The following RAB3IP variants were observed in gnomAD, a reference collection of about 807,000 sequenced individuals.
The protein encoded by RAB3IP is rab-3A-interacting protein.
Under a neutral mutation model 59.1 loss-of-function variants are expected in RAB3IP, and 36 were observed. The ratio of observed to expected loss-of-function variants is 0.61; its 90% CI spans 0.47 to 0.80. The LOEUF (loss-of-function observed/expected upper bound fraction) is 0.80, where lower values mean the gene tolerates loss of function less well. Among genes scored for constraint, RAB3IP ranks in the 30% least tolerant of loss-of-function variants. The pLI is 0.00. For missense variants in RAB3IP, 511 were observed against 536.0 expected, an observed-to-expected ratio of 0.95 and a Z score of 0.46; for synonymous variants, 207 against 191.2, an observed-to-expected ratio of 1.08 and a Z score of -0.68.
At chr12:69,787,037 C>T (rs183211577) in intron 4 of RAB3IP, among the ~76,000 whole-genome samples, 18 of 152,146 alleles carry the variant, frequency 1.2e-4, no homozygotes, top group Admixed American at 2.6e-4. Context: ...ATCTGTTTAC[C>T]ATTGTCTTAT....
chr12:69,810,071 T>A (rs879441538), intron 8 of RAB3IP, among the ~76,000 whole-genome samples: 1 of 152,048 alleles, frequency 6.6e-6, no homozygotes, highest in Non-Finnish European at 1.5e-5. Context: ...TACAGATGGG[T>A]TTTTGGTGCA....
At chr12:69,748,785 G>A (rs1181064520) in intron 1 of RAB3IP, among the ~76,000 whole-genome samples, 3 of 152,138 alleles carry the variant, frequency 2.0e-5, no homozygotes, top group African/African-American at 4.8e-5. Context: ...CTTAAAAATA[G>A]TAGTTTATTT....
chr12:69,821,024 G>A lies in RAB3IP; in HGVS notation c.*5578G>A, dbSNP rs1346913641. The A allele has an allele frequency of 2.0e-5, 3 of 151,760 alleles. No individual in the cohort carries two copies. Among genetic ancestry groups the A allele is most frequent in the Admixed American group, 6.6e-5 (1 of 15,236 alleles). The allele number at this position is 151,760 out of a possible 1,614,324, so 9.4% of individuals were successfully genotyped here. ...AACTTGATAAAATATTAAAAGAATT[G>A]AAACCCTTCCTAAAGGCAGCTTCTC... On this transcript the variant is annotated 3_prime_UTR_variant, in exon 11 of 11. Transcript: ENST00000247833.
intron 8 of RAB3IP, 150 bp downstream of exon 8, chr12:69,801,871 C>T: frequency 2.0e-6 from 1 of 508,408 alleles, no homozygotes; most frequent in Non-Finnish European, 3.5e-6. Flanking sequence ...AGACAAATTC[C>T]TGAGACAGTG....
intron 4 of RAB3IP, among the ~76,000 whole-genome samples, chr12:69,792,183 T>G (rs926850715): frequency 2.0e-5 from 3 of 152,116 alleles, no homozygotes; most frequent in African/African-American, 4.8e-5. Context: ...TGTCGGTCAT[T>G]GGTACAAAGT....
At chr12:69,760,285 C>T (rs1228394014) in intron 3 of RAB3IP, among the ~76,000 whole-genome samples, 1 of 152,352 alleles carries the variant, frequency 6.6e-6, no homozygotes, top group East Asian at 1.9e-4. Context: ...CAGGCTGAGG[C>T]AGGAGAATCA....
intron 3 of RAB3IP, among the ~76,000 whole-genome samples, chr12:69,783,872 A>G (rs1314079531): frequency 6.6e-6 from 1 of 152,054 alleles, no homozygotes; most frequent in African/African-American, 2.4e-5. Context: ...TCTTTTACTT[A>G]GTTTCATTGA....
chr12:69,760,542 G>T (rs942290685), intron 3 of RAB3IP, among the ~76,000 whole-genome samples: 2 of 152,156 alleles, frequency 1.3e-5, no homozygotes, highest in Non-Finnish European at 2.9e-5. Context: ...TTTCCAACTC[G>T]TATCATTTTT....
intron 1 of RAB3IP, among the ~76,000 whole-genome samples, chr12:69,754,068 C>T (rs903571261): frequency 6.6e-6 from 1 of 152,100 alleles, no homozygotes; most frequent in African/African-American, 2.4e-5. Flanking sequence ...TCCTTCAATC[C>T]TCACAGCAAC....
chr12:69,773,421 T>TTA (rs1300057814), intron 3 of RAB3IP, among the ~76,000 whole-genome samples: 1 of 129,350 alleles, frequency 7.7e-6, no homozygotes, highest in Non-Finnish European at 1.6e-5. Context: ...TTTTTTTTTT[T>TTA]TTATTATACT....
At chr12:69,766,847 A>G (rs986902936) in intron 3 of RAB3IP, among the ~76,000 whole-genome samples, 1 of 152,022 alleles carries the variant, frequency 6.6e-6, no homozygotes, top group African/African-American at 2.4e-5. Context: ...ATTTCTTTTG[A>G]ATATGTTTAT....
Position 69,821,028 on chromosome 12 carries a change from C to A in RAB3IP, c.*5582C>A, listed in dbSNP as rs1009449264. ...TGATAAAATATTAAAAGAATTGAAA[C>A]CCTTCCTAAAGGCAGCTTCTCAAGG... On this transcript the variant is annotated 3_prime_UTR_variant, in exon 11 of 11. Transcript: ENST00000247833. 6.6e-6 allele frequency: 1 copy of A among 151,840 alleles called. No homozygotes were observed. The highest frequency in any genetic ancestry group is 1.5e-5 in the Non-Finnish European group (1 of 67,970). The allele number at this position is 151,840 out of a possible 1,614,324, so 9.4% of individuals were successfully genotyped here.
In RAB3IP at chr12:69,743,829, T is replaced by C. The variant is rs920578577; in HGVS notation, c.-26+4798T>C. On this transcript the variant is annotated intron_variant, in intron 1 of 10. Transcript: ENST00000247833. ...TAGCCTGAATAACTGTCTCCACTCTTTACCGCTTTGCTATTCATTCCTTCT... is the reference window on the plus strand; with the variant it reads ...TAGCCTGAATAACTGTCTCCACTCTCTACCGCTTTGCTATTCATTCCTTCT... Among the ~76,000 whole-genome samples the C allele has an allele frequency of 3.3e-5, 5 of 149,478 alleles. No homozygotes were observed. In the Admixed American group the frequency reaches 3.4e-4, roughly 10 times the overall value.
chr12:69,799,560 C>T (rs1565918376), intron 6 of RAB3IP, among the ~76,000 whole-genome samples: 1 of 151,964 alleles, frequency 6.6e-6, no homozygotes, highest in Non-Finnish European at 1.5e-5. Flanking sequence ...AAAAATATGT[C>T]AAAAATATCT....
intron 1 of RAB3IP, among the ~76,000 whole-genome samples, chr12:69,749,617 G>A (rs1274895486): frequency 3.3e-5 from 5 of 152,206 alleles, no homozygotes; most frequent in African/African-American, 9.7e-5. Flanking sequence ...GAGTAACTGC[G>A]TTTTGTATAA....
intron 4 of RAB3IP, among the ~76,000 whole-genome samples, chr12:69,786,456 G>T (rs1875662410): frequency 6.6e-6 from 1 of 152,074 alleles, no homozygotes; most frequent in South Asian, 2.1e-4. Flanking sequence ...TAAATTTAAG[G>T]ATAGGAAGAG....
intron 4 of RAB3IP, among the ~76,000 whole-genome samples, chr12:69,785,942 C>G (rs1472356958): frequency 6.6e-6 from 1 of 152,022 alleles, no homozygotes; most frequent in Admixed American, 6.6e-5. Context: ...TGGGTTAAGA[C>G]CTTGAGTCTT....
chr12:69,746,428 C>T (rs1292118995), intron 1 of RAB3IP, among the ~76,000 whole-genome samples: 2 of 152,148 alleles, frequency 1.3e-5, no homozygotes, highest in East Asian at 1.9e-4. Context: ...GACTTGTATT[C>T]AGCACTGAAA....
intron 1 of RAB3IP, chr12:69,740,011 G>C: frequency 1.4e-6 from 1 of 731,862 alleles, no homozygotes; most frequent in Non-Finnish European, 2.3e-6. Context: ...GTTCAGTGTC[G>C]GGTTAAAAGC....
Sources: gnomAD v4.1 joint callset for allele counts (sites outside exome capture counted in the v4.1 genomes callset) on GRCh38, gnomAD v4.1.1 for gene constraint, MANE v1.5 for transcripts, NCBI Gene and HGNC (gene_info 2026-07-23, HGNC 2026-07-21) for gene names.